KCNG3: variants seen among roughly 807,000 people sequenced by gnomAD.
KCNG3 encodes voltage-gated potassium channel regulatory subunit KCNG3.
KCNG3 carries 15 observed loss-of-function variants against 29.0 expected under a neutral mutation model. The ratio of observed to expected loss-of-function variants is 0.52; its 90% CI spans 0.35 to 0.80. The LOEUF (loss-of-function observed/expected upper bound fraction) is 0.80. Among genes scored for constraint, KCNG3 ranks in the 30% least tolerant of loss-of-function variants. The pLI, the probability that KCNG3 is intolerant of heterozygous loss-of-function variation, is 0.01. For synonymous variants in KCNG3, 322 were observed against 248.9 expected, an observed-to-expected ratio of 1.29 and a Z score of -2.76; for missense variants, 512 against 605.7, an observed-to-expected ratio of 0.85 and a Z score of 1.62.
chr2:42,457,613 G>A (rs1314251127), intron 1 of KCNG3, among the ~76,000 whole-genome samples: 3 of 135,026 alleles, frequency 2.2e-5, no homozygotes, highest in Non-Finnish European at 3.2e-5. Context: ...TTGGGAGGCC[G>A]AGGCAGGCAG....
chr2:42,409,973 G>A, the KCNG3 span, among the ~76,000 whole-genome samples: 1 of 151,588 alleles, frequency 6.6e-6, no homozygotes, highest in African/African-American at 2.4e-5. Flanking sequence ...TCAATTTTTG[G>A]GCCCCACTTA....
At chr2:42,432,842 A>G in the KCNG3 span, among the ~76,000 whole-genome samples, 2 of 152,108 alleles carry the variant, frequency 1.3e-5, no homozygotes, top group Non-Finnish European at 2.9e-5. Flanking sequence ...AACTTCAACA[A>G]AATGTATTTC....
chr2:42,438,594 T>A (rs955534244), downstream of KCNG3, among the ~76,000 whole-genome samples: 2 of 152,186 alleles, frequency 1.3e-5, no homozygotes, highest in African/African-American at 4.8e-5. Flanking sequence ...TTTGTTTAAA[T>A]TACAGCATAA....
the KCNG3 span, among the ~76,000 whole-genome samples, chr2:42,418,936 C>T: frequency 2.6e-5 from 4 of 152,184 alleles, no homozygotes; most frequent in South Asian, 2.1e-4. Flanking sequence ...TTTTATGGCT[C>T]ATAGTGATTA....
chr2:42,422,607 G>C, the KCNG3 span, among the ~76,000 whole-genome samples: 2 of 152,054 alleles, frequency 1.3e-5, no homozygotes, highest in African/African-American at 4.8e-5. Flanking sequence ...TTTAGACTCT[G>C]TTATCTAAAG....
rs1047265198 is a variant in KCNG3 at position 42,444,985 on chromosome 2, G to A, written c.666-406C>T. On this transcript the variant is annotated intron_variant, in intron 1 of 1. Coordinates refer to ENST00000306078, the MANE Select transcript of KCNG3 (RefSeq NM_133329.6). This position sits in a 1 kb window ranked among gnomAD's most constrained non-coding sequence, Gnocchi z 5.8. ...GGAGGCTAAGGTGGGAGGATCACCT[G>A]AGCCTGGGAAGGTCAAGGCCAGAGT... Among the ~76,000 whole-genome samples the A allele has an allele frequency of 3.3e-5, 5 of 151,032 alleles. No homozygotes were observed. The highest frequency in any genetic ancestry group is 1.9e-4 in the East Asian group (1 of 5,142).
intron 1 of KCNG3, among the ~76,000 whole-genome samples, chr2:42,483,534 G>A (rs1053848208): frequency 6.6e-6 from 1 of 152,196 alleles, no homozygotes; most frequent in African/African-American, 2.4e-5. Flanking sequence ...GACCCACTGT[G>A]TGAGTCTGGA....
chr2:42,473,199 A>C (rs910173928), intron 1 of KCNG3, among the ~76,000 whole-genome samples: 6 of 151,934 alleles, frequency 3.9e-5, no homozygotes, highest in African/African-American at 1.4e-4. Flanking sequence ...TCCGGCCCTC[A>C]ACAATATTTT....
chr2:42,434,815 A>C, the KCNG3 span, among the ~76,000 whole-genome samples: 1 of 152,156 alleles, frequency 6.6e-6, no homozygotes, highest in Non-Finnish European at 1.5e-5. Context: ...ATAAACCCAC[A>C]CATCTATGGT....
At chr2:42,454,353 C>G (rs562301924) in intron 1 of KCNG3, among the ~76,000 whole-genome samples, 2 of 152,178 alleles carry the variant, frequency 1.3e-5, no homozygotes, top group Admixed American at 1.3e-4. Context: ...GATGTCGAAG[C>G]AACCTTAATG....
intron 1 of KCNG3, among the ~76,000 whole-genome samples, chr2:42,490,754 A>G (rs1382582406): frequency 6.6e-6 from 1 of 152,248 alleles, no homozygotes; most frequent in East Asian, 1.9e-4. Context: ...CCAAGAAAGA[A>G]GTTTTGGCTT....
chr2:42,458,773 C>T (rs1184038383), intron 1 of KCNG3, among the ~76,000 whole-genome samples: 1 of 147,334 alleles, frequency 6.8e-6, no homozygotes, highest in Non-Finnish European at 1.5e-5. Flanking sequence ...CAGAAAGAAG[C>T]AACATAGGAG....
intron 1 of KCNG3, among the ~76,000 whole-genome samples, chr2:42,485,945 A>C (rs1339947250): frequency 6.6e-6 from 1 of 152,226 alleles, no homozygotes; most frequent in Non-Finnish European, 1.5e-5. Context: ...AGAACTGTTT[A>C]TCAAGGGAGA....
At chr2:42,448,972 C>T (rs910979161) in intron 1 of KCNG3, among the ~76,000 whole-genome samples, 8 of 150,556 alleles carry the variant, frequency 5.3e-5, no homozygotes, top group Admixed American at 1.3e-4. Context: ...AGCGAGACTC[C>T]GTCTCAAAAA....
In KCNG3 at chr2:42,484,682, C is replaced by A. The variant is rs137938801; in HGVS notation, c.665+8155G>T. Among the ~76,000 whole-genome samples, 6 of 152,070 alleles carry A rather than the reference C, an allele frequency of 3.9e-5. No homozygotes were observed. The East Asian group carries it at 9.6e-4, about 24-fold the overall frequency. ...CTTTTCACATTTTAACACTTTTTTTCCGATGAAGAAAGTTCTAATTTTACA... is the reference window on the plus strand; with the variant it reads ...CTTTTCACATTTTAACACTTTTTTTACGATGAAGAAAGTTCTAATTTTACA... On this transcript the variant is annotated intron_variant, in intron 1 of 1. Transcript: ENST00000306078.
At chr2:42,485,056 G>T (rs1028045910) in intron 1 of KCNG3, among the ~76,000 whole-genome samples, 5 of 152,124 alleles carry the variant, frequency 3.3e-5, no homozygotes, top group African/African-American at 1.2e-4. Flanking sequence ...GAACTGAAAG[G>T]CAATCGAAAT....
At chr2:42,441,165 G>T (rs1290953085), downstream of KCNG3, among the ~76,000 whole-genome samples, 2 of 152,142 alleles carry the variant, frequency 1.3e-5, no homozygotes, top group Non-Finnish European at 2.9e-5. Flanking sequence ...AGGACTGCTT[G>T]AGGCCAGGAG....
At chr2:42,412,009 G>A in the KCNG3 span, among the ~76,000 whole-genome samples, 15 of 152,204 alleles carry the variant, frequency 9.9e-5, no homozygotes, top group African/African-American at 3.4e-4. Flanking sequence ...CAGGAAGATG[G>A]AAAAGACGTG....
intron 1 of KCNG3, among the ~76,000 whole-genome samples, chr2:42,475,549 C>T (rs1673403365): frequency 1.3e-5 from 2 of 151,254 alleles, no homozygotes; most frequent in African/African-American, 4.9e-5. Flanking sequence ...AAGCTGGTCT[C>T]GAACTCCTGG....
Sources: allele counts gnomAD v4.1 joint callset (sites outside exome capture counted in the v4.1 genomes callset), GRCh38; gene constraint gnomAD v4.1.1; non-coding constraint Gnocchi (gnomAD v3.1); transcripts MANE v1.5; gene names NCBI Gene and HGNC (gene_info 2026-07-23, HGNC 2026-07-21).